The following CDNF variants were observed in gnomAD, a reference collection of about 807,000 sequenced individuals.
CDNF encodes the protein cerebral dopamine neurotrophic factor.
CDNF carries 9 observed loss-of-function variants against 14.8 expected under a neutral mutation model. The observed-to-expected ratio is 0.61, with a 90% CI of 0.37 to 1.06. The LOEUF (loss-of-function observed/expected upper bound fraction) is 1.06. Ranked by LOEUF, CDNF falls within the 50% of genes least tolerant of loss-of-function variation. The pLI is 0.01. For missense variants in CDNF, 228 were observed against 228.4 expected (o/e 1.00, Z 0.01); for synonymous variants, 86 against 87.2 (o/e 0.99, Z 0.07).
intron 2 of CDNF, among the ~76,000 whole-genome samples, chr10:14,827,052 C>CAAAAAAAAA (rs34308438): frequency 6.7e-5 from 5 of 74,642 alleles, no homozygotes; most frequent in Non-Finnish European, 7.8e-5. Flanking sequence ...CCCGTCTCTA[C>CAAAAAAAAA]AAAAAAAAAA....
chr10:14,828,044 G>T, intron 2 of CDNF, 101 bp downstream of exon 2: 1 of 1,190,798 alleles, frequency 8.4e-7, no homozygotes, highest in Non-Finnish European at 1.2e-6. Context: ...GGACATACTT[G>T]AGGCAAACAT....
intron 1 of CDNF, among the ~76,000 whole-genome samples, chr10:14,834,990 G>A (rs1168292614): frequency 6.6e-6 from 1 of 152,158 alleles, no homozygotes; most frequent in Non-Finnish European, 1.5e-5. Flanking sequence ...TGATTGGTTG[G>A]GGGATAAGGG....
chr10:14,837,521 G>GAT (rs1222243056), intron 1 of CDNF, among the ~76,000 whole-genome samples: 1 of 152,246 alleles, frequency 6.6e-6, no homozygotes, highest in Non-Finnish European at 1.5e-5. Flanking sequence ...GGAAGCAGCA[G>GAT]AATCAATCTG....
At chr10:14,826,481 A>AGC (rs1482452626) in intron 2 of CDNF, among the ~76,000 whole-genome samples, 1 of 138,552 alleles carries the variant, frequency 7.2e-6, no homozygotes, top group African/African-American at 3.1e-5. Context: ...AAGAAGAAGA[A>AGC]AAAGAAGAAG....
intron 1 of CDNF, among the ~76,000 whole-genome samples, chr10:14,829,047 A>C (rs1215962681): frequency 6.6e-6 from 1 of 152,110 alleles, no homozygotes; most frequent in Non-Finnish European, 1.5e-5. Flanking sequence ...AATATAAATA[A>C]AAAGAATGAT....
chr10:14,831,584 T>A (rs114242544), intron 1 of CDNF, among the ~76,000 whole-genome samples: 7,304 of 148,848 alleles, frequency 0.049, 191 homozygotes, highest in African/African-American at 0.069. Context: ...ATATATATAT[T>A]TTTTTTCAAG....
chr10:14,820,635 C>T (rs112758798), intron 3 of CDNF, among the ~76,000 whole-genome samples: 84 of 151,434 alleles, frequency 5.5e-4, no homozygotes, highest in African/African-American at 1.8e-3. Flanking sequence ...TGGGAGGCTG[C>T]GGCGGGAGAA....
intron 3 of CDNF, 41 bp downstream of exon 3, chr10:14,825,438 T>G: frequency 6.3e-7 from 1 of 1,578,998 alleles, no homozygotes; most frequent in South Asian, 1.1e-5. Context: ...GGTTTGGGAA[T>G]CCATTGGACC....
At chr10:14,826,468 CAGAAGAAGAAGAAAAAGAAGA>C (rs1202637892) in intron 2 of CDNF, among the ~76,000 whole-genome samples, 3 of 134,578 alleles carry the variant, frequency 2.2e-5, no homozygotes, top group South Asian at 2.5e-4. Context: ...AAGAAAGAAG[CAGAAGAAGAAGAAAAAGAAGA>C]AGAAGAAGAA....
chr10:14,836,550 T>C (rs1833888776), intron 1 of CDNF, among the ~76,000 whole-genome samples: 1 of 152,236 alleles, frequency 6.6e-6, no homozygotes, highest in South Asian at 2.1e-4. Flanking sequence ...CAAATATCTT[T>C]ATATCGAGTA....
At chr10:14,822,186 C>T (rs550495751) in intron 3 of CDNF, among the ~76,000 whole-genome samples, 81 of 152,258 alleles carry the variant, frequency 5.3e-4, no homozygotes, top group African/African-American at 1.9e-3. Flanking sequence ...TGCCAGCCAA[C>T]CTGGCTTCTA....
rs1293435982 is a variant in CDNF at position 14,826,032 on chromosome 10, A to C, written c.244-412T>G. ...GCAGAAGCAGAAGAAGAAGAAGGAG[A>C]AGAAGAAGAAGAAGAAGAAGAAGAA... On this transcript the variant is annotated intron_variant, in intron 2 of 3. Transcript: ENST00000465530. 4.7e-3 allele frequency among the ~76,000 whole-genome samples: 200 copies of C among 42,116 alleles called. 2 individuals are homozygous for C. Among genetic ancestry groups the C allele is most frequent in the South Asian group, 0.039 (48 of 1,246 alleles). The allele number at this position is 42,116 out of a possible 152,430, so 27.6% of individuals were successfully genotyped here.
At chr10:14,837,283 T>C (rs1833900264) in intron 1 of CDNF, among the ~76,000 whole-genome samples, 1 of 152,178 alleles carries the variant, frequency 6.6e-6, no homozygotes, top group Admixed American at 6.5e-5. Context: ...ACAGCTGAGA[T>C]ACCGTGAACA....
chr10:14,827,602 G>A (rs1039262672), intron 2 of CDNF, among the ~76,000 whole-genome samples: 6 of 152,110 alleles, frequency 3.9e-5, no homozygotes, highest in Admixed American at 1.3e-4. Context: ...TTAAGAAAAC[G>A]TAGAATTGGG....
At chr10:14,823,512 TTTTA>T (rs1344254664) in intron 3 of CDNF, among the ~76,000 whole-genome samples, 2 of 152,156 alleles carry the variant, frequency 1.3e-5, no homozygotes, top group Non-Finnish European at 2.9e-5. Context: ...TGATATTGGC[TTTTA>T]TTTATTTTTA....
intron 1 of CDNF, among the ~76,000 whole-genome samples, chr10:14,837,474 A>G (rs931132371): frequency 3.4e-4 from 51 of 152,222 alleles, no homozygotes; most frequent in Admixed American, 3.2e-3. Context: ...GACTTGAAAG[A>G]CGTCTTCTGT....
intron 1 of CDNF, among the ~76,000 whole-genome samples, chr10:14,836,094 C>G (rs1564316449): frequency 6.6e-6 from 1 of 152,118 alleles, no homozygotes; most frequent in Non-Finnish European, 1.5e-5. Context: ...AGGAACCATT[C>G]AGTTTTTTTG....
chr10:14,835,804 C>G (rs1833881219), intron 1 of CDNF, among the ~76,000 whole-genome samples: 1 of 152,016 alleles, frequency 6.6e-6, no homozygotes, highest in Non-Finnish European at 1.5e-5. Flanking sequence ...CTACAGGGGC[C>G]AGGCAAGGAA....
chr10:14,830,255 A>G (rs1022020878), intron 1 of CDNF, among the ~76,000 whole-genome samples: 1 of 151,790 alleles, frequency 6.6e-6, no homozygotes, highest in African/African-American at 2.4e-5. Context: ...TCTTTTTTCT[A>G]CTTTGCTCAG....
Sources: gnomAD v4.1 joint callset for allele counts (sites outside exome capture counted in the v4.1 genomes callset) on GRCh38, gnomAD v4.1.1 for gene constraint, MANE v1.5 for transcripts, NCBI Gene and HGNC (gene_info 2026-07-23, HGNC 2026-07-21) for gene names.